Variants in GTPBP4 observed in about 807,000 individuals in gnomAD.
The protein encoded by GTPBP4 is GTP-binding protein 4.
In GTPBP4, 15 loss-of-function variants were observed where a neutral mutation model predicts 81.7. The observed-to-expected ratio is 0.18, with a 90% CI of 0.12 to 0.28. The LOEUF (loss-of-function observed/expected upper bound fraction) is 0.28, where lower values mean the gene tolerates loss of function less well. Ranked by LOEUF, GTPBP4 falls within the 10% of genes least tolerant of loss-of-function variation. The probability of loss-of-function intolerance (pLI) is 1.00; values close to 1 mark genes in which losing one functional copy is unlikely to be tolerated. For missense variants in GTPBP4, 847 were observed against 793.8 expected (o/e 1.07, Z -0.81); for synonymous variants, 272 against 274.6 (o/e 0.99, Z 0.09).
rs551153096 is a variant in GTPBP4 at position 1,012,061 on chromosome 10, G to T, written c.1345-404G>T. On this transcript the variant is annotated intron_variant, in intron 13 of 16. Transcript: ENST00000360803. The stretch of plus-strand genomic sequence containing the variant: ...TTCATTTTTGTCTTATTTGTAGCCA[G>T]TGAGGTTGTATTTGGGGTGACATTA... Among the ~76,000 whole-genome samples, 3 of 152,362 alleles carry T rather than the reference G, an allele frequency of 2.0e-5. No individual in the cohort carries two copies. In the East Asian group the frequency reaches 5.8e-4, roughly 29 times the overall value.
Position 996,165 on chromosome 10 carries a change from A to G in GTPBP4, c.383A>G (p.Gln128Arg). ...GGCGACTCTCTCTACCGCTGCAAAC[A>G]GCTGAAGCGTGCGGCCCTGGGACGG... ...KYGDSLYRCKQLKRAALGRMC... is the reference protein window; with the variant it reads ...KYGDSLYRCKRLKRAALGRMC... The change falls in exon 4 of 17, where the codon CAG (glutamine) becomes CGG (arginine). Residue 128 changes from glutamine to arginine, a missense_variant. By Grantham distance (43) the Gln-to-Arg change is conservative. Transcript: ENST00000360803. 1 of 1,613,412 alleles carries G rather than the reference A, an allele frequency of 6.2e-7. No individual in the cohort carries two copies. The highest frequency in any genetic ancestry group is 8.5e-7 in the Non-Finnish European group (1 of 1,179,306).
chr10:998,166 C>T (rs1354907507), intron 5 of GTPBP4, among the ~76,000 whole-genome samples: 1 of 152,116 alleles, frequency 6.6e-6, no homozygotes, highest in Non-Finnish European at 1.5e-5. Flanking sequence ...GTGGTGCAGA[C>T]ATGGCTCGCT....
intron 1 of GTPBP4, among the ~76,000 whole-genome samples, chr10:990,369 T>A (rs1413588397): frequency 6.6e-6 from 1 of 151,898 alleles, no homozygotes; most frequent in African/African-American, 2.4e-5. Flanking sequence ...GTGCATCGGG[T>A]ACTGTGTTAC....
chr10:989,745 C>T (rs1301533050), intron 1 of GTPBP4, among the ~76,000 whole-genome samples: 1 of 152,224 alleles, frequency 6.6e-6, no homozygotes, highest in South Asian at 2.1e-4. Context: ...GTAGTATTTT[C>T]TTTCTTTCTT....
intron 1 of GTPBP4, among the ~76,000 whole-genome samples, chr10:990,890 C>A (rs748492137): frequency 6.6e-6 from 1 of 151,472 alleles, no homozygotes; most frequent in Non-Finnish European, 1.5e-5. Flanking sequence ...AGTAGGTAAC[C>A]TTTGACTTGG....
chr10:1,006,884 A>T (rs1483723601), intron 9 of GTPBP4, 134 bp from the exon 10 acceptor site: 1 of 633,366 alleles, frequency 1.6e-6, no homozygotes, highest in Non-Finnish European at 2.9e-6. Flanking sequence ...GCCTCAGAGA[A>T]TGTGGCCCCC....
At chr10:990,727 CAAAAA>C (rs35393314) in intron 1 of GTPBP4, among the ~76,000 whole-genome samples, 3 of 66,032 alleles carry the variant, frequency 4.5e-5, no homozygotes, top group African/African-American at 6.5e-5. Flanking sequence ...GACTCCATCT[CAAAAA>C]AAAAAAAAAA....
At position 991,974 on chromosome 10, in the gene GTPBP4, C is replaced by T. The variant is rs34700314; in HGVS notation, c.49-515C>T. Among the ~76,000 whole-genome samples the T allele has an allele frequency of 4.6e-3, 686 of 150,628 alleles. 6 individuals are homozygous for T. Among genetic ancestry groups the T allele is most frequent in the African/African-American group, 0.015 (629 of 41,182 alleles). On this transcript the variant is annotated intron_variant, in intron 1 of 16. Coordinates refer to ENST00000360803, the MANE Select transcript of GTPBP4 (RefSeq NM_012341.3). ...CCTCCCAAAGTGCTGGGATTACAGG[C>T]GTGAGCCACCGCGCCCGGCCGGTGT...
At position 1,018,512 on chromosome 10, in the gene GTPBP4, AAAC is replaced by A. The variant is rs1357046603; in HGVS notation, c.*1293_*1295del. 1 of 151,402 alleles carries A rather than the reference AAAC, an allele frequency of 6.6e-6. No homozygotes were observed. The highest frequency in any genetic ancestry group is 2.4e-5 in the African/African-American group (1 of 41,168). 9.4% of individuals were successfully genotyped at this position (151,402 alleles called of 1,614,324 possible). A position where few individuals can be genotyped will look rare whatever the true frequency, so the allele number is the denominator to read the frequency against. ...CTTAACATATAGTTTACTTTGTGTT[AAAC>A]AACAACAGTATGGCCGGGCGCGGCA... On this transcript the variant is annotated 3_prime_UTR_variant, in exon 17 of 17. Transcript: ENST00000360803.
chr10:989,113 AC>A (rs1194199632), intron 1 of GTPBP4, among the ~76,000 whole-genome samples: 16 of 113,852 alleles, frequency 1.4e-4, no homozygotes, highest in East Asian at 7.6e-4. Context: ...GAGTATTAGG[AC>A]TTTTTTTTTT....
rs765427498 is a variant in GTPBP4, at chr10:996,198, C to T, written c.416C>T (p.Thr139Ile). 1.2e-6 allele frequency: 2 copies of T among 1,613,920 alleles called. No individual in the cohort carries two copies. Among genetic ancestry groups the T allele is most frequent in the South Asian group, 1.1e-5 (1 of 91,042 alleles). ...LKRAALGRMCTVIKRQKQSLE... is the reference protein window; with the variant it reads ...LKRAALGRMCIVIKRQKQSLE... The stretch of plus-strand genomic sequence containing the variant: ...CGTGCGGCCCTGGGACGGATGTGCA[C>T]AGTGATCAAGAGGCAGAAGCAGAGT... Residue 139 changes from threonine to isoleucine, a missense_variant, in exon 4 of 17, where the codon ACA becomes ATA. This residue lies in a region of GTPBP4 where 241 missense variants were observed against 216.3 expected (regional missense o/e 1.11). Coordinates refer to ENST00000360803, the MANE Select transcript of GTPBP4 (RefSeq NM_012341.3).
chr10:992,694 A>G, intron 2 of GTPBP4, 35 bp downstream of exon 2: 1 of 1,349,616 alleles, frequency 7.4e-7, no homozygotes. Flanking sequence ...GGTTATGTAA[A>G]TACGGGCTTT....
At chr10:990,982 T>A (rs1831432173) in intron 1 of GTPBP4, among the ~76,000 whole-genome samples, 1 of 151,636 alleles carries the variant, frequency 6.6e-6, no homozygotes, top group Admixed American at 6.6e-5. Context: ...GGAGACCGTG[T>A]GTGCCCCTCA....
At chr10:1,004,353 T>C (rs1831688104) in intron 8 of GTPBP4, among the ~76,000 whole-genome samples, 1 of 151,830 alleles carries the variant, frequency 6.6e-6, no homozygotes, top group Non-Finnish European at 1.5e-5. Flanking sequence ...GCTCAGAATA[T>C]AGGGTTAGTC....
At chr10:997,871 G>A (rs575488890) in intron 5 of GTPBP4, among the ~76,000 whole-genome samples, 18 of 152,200 alleles carry the variant, frequency 1.2e-4, no homozygotes, top group African/African-American at 4.1e-4. Context: ...TCTTTCCCTG[G>A]GTGAGCTCAC....
At position 1,019,926 on chromosome 10, in the gene GTPBP4, C is replaced by G. The variant is rs1325728802; in HGVS notation, c.*2699C>G. On this transcript the variant is annotated 3_prime_UTR_variant, in exon 17 of 17. Transcript: ENST00000360803. ...AGAAAATAAACACATTTGTTTTCCTCAGAAAATGAACACTTTCTTTGGTAA... is the reference window on the plus strand; with the variant it reads ...AGAAAATAAACACATTTGTTTTCCTGAGAAAATGAACACTTTCTTTGGTAA... 3.0e-6 allele frequency: 3 copies of G among 998,104 alleles called. No homozygotes were observed. Among genetic ancestry groups the G allele is most frequent in the Non-Finnish European group, 4.5e-6 (3 of 661,958 alleles). 61.8% of individuals were successfully genotyped at this position (998,104 alleles called of 1,614,324 possible).
chr10:1,013,894 G>T (rs943421497), intron 14 of GTPBP4, among the ~76,000 whole-genome samples: 13 of 152,260 alleles, frequency 8.5e-5, no homozygotes, highest in Non-Finnish European at 1.6e-4. Context: ...GCCATCTCTG[G>T]GAGGAGAGAG....
At chr10:1,015,002 G>A (rs1831949854) in intron 15 of GTPBP4, among the ~76,000 whole-genome samples, 1 of 152,188 alleles carries the variant, frequency 6.6e-6, no homozygotes, top group South Asian at 2.1e-4. Flanking sequence ...TCTGATGGTT[G>A]TCCCTTTGTG....
chr10:1,014,795 A>G (rs1044271659), intron 15 of GTPBP4, among the ~76,000 whole-genome samples: 1 of 151,452 alleles, frequency 6.6e-6, no homozygotes, highest in Non-Finnish European at 1.5e-5. Flanking sequence ...TGATGGGTTG[A>G]GGATTCCCTG....
Sources: allele counts gnomAD v4.1 joint callset (sites outside exome capture counted in the v4.1 genomes callset), GRCh38; gene constraint gnomAD v4.1.1; regional missense constraint gnomAD v4.1.1; transcripts MANE v1.5; gene names NCBI Gene and HGNC (gene_info 2026-07-23, HGNC 2026-07-21).